LAMP1: variants seen among roughly 807,000 people sequenced by gnomAD.
LAMP1 encodes lysosome-associated membrane glycoprotein 1.
In LAMP1, 7 loss-of-function variants were observed where a neutral mutation model predicts 37.5. The observed-to-expected ratio is 0.19, with a 90% CI of 0.11 to 0.35. The LOEUF (loss-of-function observed/expected upper bound fraction) is 0.35, where lower values mean the gene tolerates loss of function less well. Ranked by LOEUF, LAMP1 falls within the 10% of genes least tolerant of loss-of-function variation. The pLI is 1.00. For synonymous variants in LAMP1, 236 were observed against 229.1 expected, an observed-to-expected ratio of 1.03 and a Z score of -0.27; for missense variants, 537 against 552.8, an observed-to-expected ratio of 0.97 and a Z score of 0.29.
intron 2 of LAMP1, among the ~76,000 whole-genome samples, chr13:113,307,243 C>T (rs896541025): frequency 3.3e-5 from 5 of 151,404 alleles, no homozygotes; most frequent in Admixed American, 1.3e-4. Flanking sequence ...CCACAACCTC[C>T]GTCTCCTGGG....
chr13:113,314,468 G>C (rs1185820499), intron 4 of LAMP1, among the ~76,000 whole-genome samples: 39 of 85,402 alleles, frequency 4.6e-4, no homozygotes, highest in South Asian at 9.6e-4. Flanking sequence ...CTCCTGGAGG[G>C]AACCAGTGTG....
chr13:113,307,957 CA>C (rs56212251), intron 2 of LAMP1, among the ~76,000 whole-genome samples: 6,449 of 60,092 alleles, frequency 0.11, 193 homozygotes, highest in African/African-American at 0.27. Context: ...AGACCATCTC[CA>C]AAAAAAAAAA....
rs375956519 is a variant in LAMP1 at position 113,300,186 on chromosome 13, C to A, written c.61+2691C>A. On this transcript the variant is annotated intron_variant, in intron 1 of 8. Transcript: ENST00000332556. ...ACAACTGTCACTTAGGAGGTTTGAACAATTTTATACTCGGCTGGGTGCAGT... is the reference window on the plus strand; with the variant it reads ...ACAACTGTCACTTAGGAGGTTTGAAAAATTTTATACTCGGCTGGGTGCAGT... Among the ~76,000 whole-genome samples the A allele has an allele frequency of 3.0e-4, 46 of 152,218 alleles. No homozygotes were observed. The East Asian group carries it at 6.2e-3, about 20-fold the overall frequency.
Position 113,309,817 on chromosome 13 carries a change from T to A in LAMP1, c.358T>A (p.Tyr120Asn). ...RYSVQLMSFVYNLSDTHLFPN... is the reference protein window; with the variant it reads ...RYSVQLMSFVNNLSDTHLFPN... The stretch of plus-strand genomic sequence containing the variant: ...CAGCGTCCAGCTCATGAGTTTTGTT[T>A]ATAACTTGTCAGACACACACCTTTT... Residue 120 changes from tyrosine to asparagine, a missense_variant, in exon 3 of 9, where the codon TAT becomes AAT. Physicochemically the swap from Tyr to Asn is moderately radical, Grantham distance 143. Coordinates refer to ENST00000332556, the MANE Select transcript of LAMP1 (RefSeq NM_005561.4). 1 of 1,613,842 alleles carries A rather than the reference T, an allele frequency of 6.2e-7. No homozygotes were observed. Among genetic ancestry groups the A allele is most frequent in the Non-Finnish European group, 8.5e-7 (1 of 1,180,034 alleles).
chr13:113,322,337 T>C lies in LAMP1; in HGVS notation c.1170T>C (p.Gly390=). 6.2e-7 allele frequency: 1 copy of C among 1,613,878 alleles called. No homozygotes were observed. The highest frequency in any genetic ancestry group is 1.7e-4 in the Middle Eastern group (1 of 5,986). Residue 390 remains glycine (G), a synonymous_variant, in exon 9 of 9, where the codon GGT becomes GGC. Transcript: ENST00000332556. ...TGCTGATCCCCATCGCTGTGGGTGG[T>C]GCCCTGGCGGGGCTGGTCCTCATCG... ...NSMLIPIAVG[G]ALAGLVLIVL... is the part of the protein sequence containing the mutation.
chr13:113,317,623 G>C (rs1466900636), intron 4 of LAMP1, among the ~76,000 whole-genome samples: 2 of 151,776 alleles, frequency 1.3e-5, no homozygotes, highest in Non-Finnish European at 2.9e-5. Flanking sequence ...GACAAGACTG[G>C]CCGGTTTTGC....
intron 3 of LAMP1, among the ~76,000 whole-genome samples, chr13:113,310,266 G>A (rs939147884): frequency 1.3e-5 from 2 of 151,192 alleles, no homozygotes; most frequent in African/African-American, 4.9e-5. Context: ...GGTGGCTCAC[G>A]CCTGTAATCC....
chr13:113,303,160 G>A (rs1473369733), intron 1 of LAMP1, among the ~76,000 whole-genome samples: 1 of 152,194 alleles, frequency 6.6e-6, no homozygotes, highest in African/African-American at 2.4e-5. Context: ...CTCTCCTCCT[G>A]CTCGTGGGTG....
chr13:113,316,485 T>C (rs972807213), intron 4 of LAMP1, among the ~76,000 whole-genome samples: 2 of 149,558 alleles, frequency 1.3e-5, no homozygotes, highest in Non-Finnish European at 3.0e-5. Context: ...TGCAGTGGCG[T>C]GATCTCTGCT....
intron 5 of LAMP1, 91 bp downstream of exon 5, chr13:113,319,747 G>A (rs2042687300): frequency 7.3e-6 from 9 of 1,232,548 alleles, no homozygotes; most frequent in South Asian, 1.4e-5. Flanking sequence ...GTCTCTGCAC[G>A]TCATGCTGTT....
intron 4 of LAMP1, among the ~76,000 whole-genome samples, chr13:113,314,938 C>G (rs1305912149): frequency 8.8e-6 from 1 of 114,242 alleles, no homozygotes; most frequent in African/African-American, 3.8e-5. Flanking sequence ...GGGGCATGGC[C>G]TCCTGGAGGG....
At position 113,322,354 on chromosome 13, in the gene LAMP1, T is replaced by TC; in HGVS notation, c.1189dup (p.Leu397ProfsTer63). Reference sequence around the variant, plus strand: ...GTGGGTGGTGCCCTGGCGGGGCTGGTCCTCATCGTCCTCATCGCCTACCTC... The same window carrying TC: ...GTGGGTGGTGCCCTGGCGGGGCTGGTCCCTCATCGTCCTCATCGCCTACCTC... On this transcript the variant is annotated frameshift_variant, in exon 9 of 9. Transcript: ENST00000332556. LOFTEE classifies it high-confidence loss of function. The TC allele has an allele frequency of 6.2e-7, 1 of 1,600,232 alleles. No individual in the cohort carries two copies. Among genetic ancestry groups the TC allele is most frequent in the South Asian group, 1.1e-5 (1 of 89,104 alleles).
At chr13:113,310,233 A>G (rs1475771417) in intron 3 of LAMP1, among the ~76,000 whole-genome samples, 1 of 151,426 alleles carries the variant, frequency 6.6e-6, no homozygotes, top group Non-Finnish European at 1.5e-5. Context: ...TCTCTAAAAA[A>G]TAAAAAACAC....
At chr13:113,307,447 C>T (rs913281699) in intron 2 of LAMP1, among the ~76,000 whole-genome samples, 3 of 151,990 alleles carry the variant, frequency 2.0e-5, no homozygotes, top group Non-Finnish European at 2.9e-5. Flanking sequence ...GGTGAGCCAC[C>T]CCTCCCAGCT....
chr13:113,314,391 C>G (rs1419851649), intron 4 of LAMP1, among the ~76,000 whole-genome samples: 12 of 99,536 alleles, frequency 1.2e-4, no homozygotes, highest in East Asian at 6.6e-4. Context: ...TGGAGATGCC[C>G]ATGTGCCTGG....
At chr13:113,319,803 A>G (rs1329280034) in intron 5 of LAMP1, 147 bp downstream of exon 5, 1 of 728,998 alleles carries the variant, frequency 1.4e-6, no homozygotes. Context: ...CCTAGAGGAC[A>G]AGAGCTGGCG....
In LAMP1 at chr13:113,322,678, G is replaced by A; in HGVS notation, c.*257G>A. The A allele has an allele frequency of 1.3e-5, 2 of 159,120 alleles. No homozygotes were observed. The highest frequency in any genetic ancestry group is 2.8e-4 in the South Asian group (2 of 7,244). 9.9% of individuals were successfully genotyped at this position (159,120 alleles called of 1,614,324 possible). A position where few individuals can be genotyped will look rare whatever the true frequency, so the allele number is the denominator to read the frequency against. ...ACCAAAGTAGGATTTTGAGGGTGGG[G>A]GTGCTCTCTCTGAGGGGGTGGGGGT... On this transcript the variant is annotated 3_prime_UTR_variant, in exon 9 of 9. Transcript: ENST00000332556.
In LAMP1 at chr13:113,323,064, A is replaced by T. The variant is rs1453641060; in HGVS notation, c.*643A>T. On this transcript the variant is annotated 3_prime_UTR_variant, in exon 9 of 9. Transcript: ENST00000332556. ...CACATTACAACAGTAGAGAGGGAACATCCTAAGACAGAGGAACTCCAGAGA... is the reference window on the plus strand; with the variant it reads ...CACATTACAACAGTAGAGAGGGAACTTCCTAAGACAGAGGAACTCCAGAGA... 1 of 152,248 alleles carries T rather than the reference A, an allele frequency of 6.6e-6. No individual in the cohort carries two copies. Among genetic ancestry groups the T allele is most frequent in the African/African-American group, 2.4e-5 (1 of 41,414 alleles). The allele number at this position is 152,248 out of a possible 1,614,324, so 9.4% of individuals were successfully genotyped here. A position where few individuals can be genotyped will look rare whatever the true frequency, so the allele number is the denominator to read the frequency against.
At chr13:113,298,203 CT>C (rs1429554772) in intron 1 of LAMP1, among the ~76,000 whole-genome samples, 1 of 152,156 alleles carries the variant, frequency 6.6e-6, no homozygotes, top group African/African-American at 2.4e-5. Context: ...AGCGCCGTTC[CT>C]GTAGGCCGAA....
Sources: gnomAD v4.1 joint callset for allele counts (sites outside exome capture counted in the v4.1 genomes callset) on GRCh38, gnomAD v4.1.1 for gene constraint, MANE v1.5 for transcripts, NCBI Gene and HGNC (gene_info 2026-07-23, HGNC 2026-07-21) for gene names.